Variants in DMD observed in about 807,000 individuals in gnomAD.
DMD encodes dystrophin.
A neutral mutation model predicts 330.1 loss-of-function variants in DMD; 63 were observed. That is an observed-to-expected ratio of 0.19 (90% CI 0.16 to 0.24). The LOEUF (loss-of-function observed/expected upper bound fraction) is 0.24, where lower values mean the gene tolerates loss of function less well. DMD is among the 10% of genes least tolerant of loss of function. DMD has a pLI of 1.00. For synonymous variants in DMD, 1,223 were observed against 959.8 expected (o/e 1.27, Z -5.07); for missense variants, 3,344 against 2,684.1 (o/e 1.25, Z -5.43).
intron 43 of DMD, among the ~76,000 whole-genome samples, chrX:32,270,628 G>C (rs142086668): frequency 1.4e-4 from 16 of 111,497 alleles, no homozygotes; most frequent in African/African-American, 5.2e-4. Context: ...GGATGGAAGA[G>C]AGAACGCTAG....
chrX:32,438,605 G>A (rs1457203305), intron 28 of DMD, among the ~76,000 whole-genome samples: 2 of 111,154 alleles, frequency 1.8e-5, no homozygotes, highest in South Asian at 3.8e-4. Flanking sequence ...ACAGTGTTGC[G>A]GACTGAGAAC....
intron 30 of DMD, among the ~76,000 whole-genome samples, chrX:32,401,571 G>C (rs762161642): frequency 2.4e-4 from 27 of 111,593 alleles, no homozygotes; most frequent in Middle Eastern, 4.6e-3. Context: ...GCTGGGAAGG[G>C]TAGTCAGGGG....
intron 76 of DMD, among the ~76,000 whole-genome samples, chrX:31,141,668 A>G (rs1471019238): frequency 9.0e-6 from 1 of 111,688 alleles, no homozygotes; most frequent in Non-Finnish European, 1.9e-5. Context: ...AGGGGTAGAA[A>G]ATGACTTTGT....
At chrX:32,167,493 T>C (rs186707000) in intron 44 of DMD, among the ~76,000 whole-genome samples, 1 of 112,051 alleles carries the variant, frequency 8.9e-6, no homozygotes, top group Admixed American at 9.5e-5. Flanking sequence ...AGGATTGTTT[T>C]AGGATTAAAG....
chrX:32,570,043 T>C (rs1261250769), intron 15 of DMD, among the ~76,000 whole-genome samples: 1 of 111,946 alleles, frequency 8.9e-6, no homozygotes, highest in African/African-American at 3.2e-5. Flanking sequence ...CTACATGATT[T>C]GGATATGAAT....
chrX:32,744,400 T>C (rs908091847), intron 7 of DMD, among the ~76,000 whole-genome samples: 9 of 110,889 alleles, frequency 8.1e-5, no homozygotes, highest in South Asian at 3.8e-4. Context: ...GATCTTGGTG[T>C]CTTCTTCTCA....
In DMD at chrX:32,696,012, A is replaced by G. The variant is rs146258768; in HGVS notation, c.960+1858T>C. On this transcript the variant is annotated intron_variant, in intron 9 of 78. Coordinates refer to ENST00000357033, the MANE Select transcript of DMD (RefSeq NM_004006.3). ...TTAAGAATACTTATTTGTTGAATAAATAAATGAAGTTAAAGCAGAGTGATG... is the reference window on the plus strand; with the variant it reads ...TTAAGAATACTTATTTGTTGAATAAGTAAATGAAGTTAAAGCAGAGTGATG... Among the ~76,000 whole-genome samples, 372 of 112,450 alleles carry G rather than the reference A, an allele frequency of 3.3e-3. 2 individuals are homozygous for G. Among genetic ancestry groups the G allele is most frequent in the Admixed American group, 5.0e-3 (53 of 10,579 alleles).
At chrX:32,467,991 TTATA>T (rs1427868826) in intron 23 of DMD, among the ~76,000 whole-genome samples, 1 of 110,282 alleles carries the variant, frequency 9.1e-6, no homozygotes, top group Non-Finnish European at 1.9e-5. Flanking sequence ...TCACCATATT[TTATA>T]TATAATAGCA....
intron 9 of DMD, among the ~76,000 whole-genome samples, chrX:32,667,088 T>C (rs749388009): frequency 9.0e-6 from 1 of 111,368 alleles, no homozygotes; most frequent in East Asian, 2.8e-4. Context: ...ATTCAGTCCT[T>C]AAAAAAAGAA....
chrX:32,881,607 A>G (rs752631500), intron 2 of DMD, among the ~76,000 whole-genome samples: 25 of 112,513 alleles, frequency 2.2e-4, no homozygotes, highest in African/African-American at 7.1e-4. Flanking sequence ...GGGCAAACTA[A>G]TTTTGCCAAT....
rs2084774254 is a variant in DMD, at chrX:32,887,757, A to AAAAAAAAAC, written c.94-37938_94-37937insGTTTTTTTT. Among the ~76,000 whole-genome samples the AAAAAAAAAC allele has an allele frequency of 4.1e-5, 4 of 97,738 alleles. No individual in the cohort carries two copies. The Admixed American group carries it at 4.5e-4, about 11-fold the overall frequency. The allele number at this position is 97,738 out of a possible 115,157, so 84.9% of individuals were successfully genotyped here. A position where few individuals can be genotyped will look rare whatever the true frequency, so the allele number is the denominator to read the frequency against. ...AGCAAGACTGTCTCAAAAAAAAAAA[A>AAAAAAAAAC]AAAAAAAAAAAAAAAAAAACATCAA... On this transcript the variant is annotated intron_variant, in intron 2 of 78. Coordinates refer to ENST00000357033, the MANE Select transcript of DMD (RefSeq NM_004006.3).
At chrX:31,512,933 C>T (rs58657396) in intron 55 of DMD, among the ~76,000 whole-genome samples, 2 of 107,921 alleles carry the variant, frequency 1.9e-5, no homozygotes, top group Non-Finnish European at 3.8e-5. Context: ...GGCAGTATGG[C>T]CATTTTCACA....
intron 71 of DMD, among the ~76,000 whole-genome samples, chrX:31,175,836 A>T (rs184275755): frequency 7.8e-4 from 87 of 111,550 alleles, no homozygotes; most frequent in South Asian, 4.5e-3. Context: ...TCAATGCAGA[A>T]TCGCTCAAAG....
At chrX:31,618,864 A>C (rs778038009) in intron 55 of DMD, among the ~76,000 whole-genome samples, 1 of 111,484 alleles carries the variant, frequency 9.0e-6, no homozygotes, top group African/African-American at 3.3e-5. Flanking sequence ...AAAATCTGAA[A>C]AAATCTGAAA....
intron 9 of DMD, among the ~76,000 whole-genome samples, chrX:32,697,597 C>G (rs372907886): frequency 9.0e-6 from 1 of 111,341 alleles, no homozygotes; most frequent in East Asian, 2.8e-4. Flanking sequence ...CCATTAGCAG[C>G]CTTTGTCAAA....
chrX:33,032,964 C>T (rs1207203377), intron 1 of DMD, among the ~76,000 whole-genome samples: 1 of 111,861 alleles, frequency 8.9e-6, no homozygotes, highest in Non-Finnish European at 1.9e-5. Flanking sequence ...TCAGCACTGA[C>T]GGGAAACTTT....
intron 2 of DMD, among the ~76,000 whole-genome samples, chrX:33,011,187 G>A (rs2093695108): frequency 9.0e-6 from 1 of 111,355 alleles, no homozygotes; most frequent in Non-Finnish European, 1.9e-5. Context: ...ATTGCCTGTT[G>A]TTTTAGAGCT....
intron 1 of DMD, among the ~76,000 whole-genome samples, chrX:33,082,093 G>C: frequency 9.2e-6 from 1 of 109,009 alleles, no homozygotes; most frequent in Non-Finnish European, 1.9e-5. Flanking sequence ...AATTAAAAAA[G>C]AGAAAAAAAT....
At chrX:32,956,526 G>A (rs755957739) in intron 2 of DMD, among the ~76,000 whole-genome samples, 2 of 111,870 alleles carry the variant, frequency 1.8e-5, no homozygotes, top group South Asian at 7.5e-4. Context: ...GTATAGGAAT[G>A]CTAGTGATTT....
Sources: allele counts gnomAD v4.1 joint callset (sites outside exome capture counted in the v4.1 genomes callset), GRCh38; gene constraint gnomAD v4.1.1; transcripts MANE v1.5; gene names NCBI Gene and HGNC (gene_info 2026-07-23, HGNC 2026-07-21).